The following SUCLG2 variants were observed in gnomAD, a reference collection of about 807,000 sequenced individuals.
SUCLG2 encodes the protein succinate-CoA ligase GDP-forming subunit beta, also known as succinate--CoA ligase [GDP-forming] subunit beta, mitochondrial.
In SUCLG2, 42 loss-of-function variants were observed where a neutral mutation model predicts 47.9. That is an observed-to-expected ratio of 0.88 (90% CI 0.69 to 1.14). The LOEUF is 1.14. Among genes scored for constraint, SUCLG2 ranks in the 50% most tolerant of loss-of-function variants. The pLI is 0.00. For synonymous variants in SUCLG2, 195 were observed against 197.3 expected (o/e 0.99, Z 0.10); for missense variants, 571 against 525.9 (o/e 1.09, Z -0.84).
intron 1 of SUCLG2, among the ~76,000 whole-genome samples, chr3:67,624,284 C>T (rs902349419): frequency 3.3e-5 from 5 of 152,180 alleles, no homozygotes; most frequent in African/African-American, 9.7e-5. Context: ...GAGCGACCTT[C>T]GCTGGGGAAA....
chr3:67,602,899 T>C (rs1575809389), intron 2 of SUCLG2, among the ~76,000 whole-genome samples: 1 of 151,912 alleles, frequency 6.6e-6, no homozygotes, highest in Admixed American at 6.6e-5. Flanking sequence ...AAAAAGAAAT[T>C]GGGAGGCTCA....
At chr3:67,508,184 G>A (rs1705689856) in intron 7 of SUCLG2, among the ~76,000 whole-genome samples, 1 of 152,108 alleles carries the variant, frequency 6.6e-6, no homozygotes, top group Non-Finnish European at 1.5e-5. Context: ...TCAACTGGGG[G>A]GGACTTGGGG....
Position 67,654,560 on chromosome 3 carries a change from G to A in SUCLG2, c.27C>T (p.Ala9=), listed in dbSNP as rs770165103. 1.0e-5 allele frequency: 13 copies of A among 1,272,862 alleles called. No homozygotes were observed. The highest frequency in any genetic ancestry group is 2.7e-4 in the Middle Eastern group (1 of 3,700). 78.8% of individuals were successfully genotyped at this position (1,272,862 alleles called of 1,614,324 possible). A position where few individuals can be genotyped will look rare whatever the true frequency, so the allele number is the denominator to read the frequency against. The change falls in exon 1 of 11, where the codon GCC becomes GCT. Residue 9 remains alanine (A), a synonymous_variant. Transcript: ENST00000307227. The part of the protein sequence containing the change: MASPVAAQ[A]GKLLRALALR... ...GCGCTAGGGCTCGCAGAAGCTTCCCGGCCTGCGCTGCTACGGGGGACGCCA... is the reference window on the plus strand; with the variant it reads ...GCGCTAGGGCTCGCAGAAGCTTCCCAGCCTGCGCTGCTACGGGGGACGCCA...
At chr3:67,548,446 G>A (rs891222558) in intron 2 of SUCLG2, among the ~76,000 whole-genome samples, 9 of 152,214 alleles carry the variant, frequency 5.9e-5, no homozygotes, top group African/African-American at 9.6e-5. Context: ...AGTAAGTTCC[G>A]TGCATCAGTA....
intron 9 of SUCLG2, among the ~76,000 whole-genome samples, chr3:67,457,684 C>CTTT (rs71109889): frequency 0.02 from 1,287 of 65,302 alleles, 135 homozygotes; most frequent in East Asian, 0.098. Flanking sequence ...ACAAAAGCAG[C>CTTT]TTTTTTTTTT....
chr3:67,514,259 G>T (rs764624508), intron 6 of SUCLG2: 1 of 420,304 alleles, frequency 2.4e-6, no homozygotes, highest in Non-Finnish European at 4.8e-6. Context: ...AAAACTGACA[G>T]GAATAGGAAA....
intron 4 of SUCLG2, 41 bp from the exon 5 acceptor site, chr3:67,520,675 G>A: frequency 6.4e-7 from 1 of 1,570,704 alleles, no homozygotes; most frequent in African/African-American, 1.4e-5. Flanking sequence ...TCAGCATTAA[G>A]CTGATTTCTA....
chr3:67,459,756 T>C (rs1314176291), intron 9 of SUCLG2, among the ~76,000 whole-genome samples: 3 of 152,158 alleles, frequency 2.0e-5, no homozygotes, highest in East Asian at 1.9e-4. Context: ...GGAACACTGG[T>C]GGTAGATAGG....
intron 9 of SUCLG2, among the ~76,000 whole-genome samples, chr3:67,410,172 C>CT: frequency 6.6e-6 from 1 of 152,176 alleles, no homozygotes. Context: ...GGTTAGGTGG[C>CT]ACAGAGATCT....
chr3:67,552,062 T>C (rs1252085223), intron 2 of SUCLG2, among the ~76,000 whole-genome samples: 1 of 149,820 alleles, frequency 6.7e-6, no homozygotes, highest in African/African-American at 2.5e-5. Flanking sequence ...CGCCACCCAG[T>C]ATCAAATATG....
rs535104891 is a variant in SUCLG2, at chr3:67,471,160, T to C, written c.1062+24638A>G. Among the ~76,000 whole-genome samples the C allele has an allele frequency of 2.0e-5, 3 of 152,296 alleles. No individual in the cohort carries two copies. The South Asian group carries it at 6.2e-4, about 32-fold the overall frequency. ...AGATAAGAAAGAGTTATTGGAGAAA[T>C]GATTATTTAAATCACATTACTGGTG... On this transcript the variant is annotated intron_variant, in intron 9 of 10. Transcript: ENST00000307227.
intron 3 of SUCLG2, 76 bp downstream of exon 3, chr3:67,529,011 T>A: frequency 2.3e-6 from 3 of 1,294,546 alleles, no homozygotes; most frequent in Non-Finnish European, 3.3e-6. Flanking sequence ...CCAACCTCAG[T>A]GTGCCTTTCA....
At chr3:67,622,314 G>A (rs1700749364) in intron 1 of SUCLG2, among the ~76,000 whole-genome samples, 1 of 152,112 alleles carries the variant, frequency 6.6e-6, no homozygotes, top group Non-Finnish European at 1.5e-5. Flanking sequence ...AATAATAATA[G>A]TAAACAATCT....
chr3:67,635,351 G>A (rs1188799917), intron 1 of SUCLG2, among the ~76,000 whole-genome samples: 1 of 152,166 alleles, frequency 6.6e-6, no homozygotes, highest in Non-Finnish European at 1.5e-5. Context: ...ATATGAAACT[G>A]AGACAGGCAA....
In SUCLG2 at chr3:67,379,016, A is replaced by G. The variant is rs940861120; in HGVS notation, c.1184-3157T>C. Among the ~76,000 whole-genome samples, 10 of 152,206 alleles carry G rather than the reference A, an allele frequency of 6.6e-5. 1 individual carries two copies. The highest frequency in any genetic ancestry group is 2.6e-4 in the Admixed American group (4 of 15,308). Reference sequence around the variant, plus strand: ...GGCTGGAGTGCAGTGGCGTGATCTCAGCTCACTGCAACCTTCACCTCCCTG... The same window carrying G: ...GGCTGGAGTGCAGTGGCGTGATCTCGGCTCACTGCAACCTTCACCTCCCTG... On this transcript the variant is annotated intron_variant, in intron 10 of 10. Transcript: ENST00000307227.
chr3:67,374,691 T>G (rs889041672), downstream of SUCLG2: 5 of 836,154 alleles, frequency 6.0e-6, no homozygotes, highest in African/African-American at 9.2e-5. Flanking sequence ...GGAATAAAAT[T>G]GAGTAAAATG....
chr3:67,418,459 T>C (rs1161130933), intron 9 of SUCLG2, among the ~76,000 whole-genome samples: 1 of 152,194 alleles, frequency 6.6e-6, no homozygotes, highest in African/African-American at 2.4e-5. Context: ...AACACAGGTT[T>C]ATCTAATGAC....
chr3:67,603,146 T>C (rs1226213603), intron 2 of SUCLG2, among the ~76,000 whole-genome samples: 1 of 152,208 alleles, frequency 6.6e-6, no homozygotes, highest in Non-Finnish European at 1.5e-5. Flanking sequence ...GCAGCTGATA[T>C]GTTGGTAAAA....
intron 10 of SUCLG2, among the ~76,000 whole-genome samples, chr3:67,387,474 T>C (rs1230423168): frequency 6.6e-6 from 1 of 152,214 alleles, no homozygotes; most frequent in Non-Finnish European, 1.5e-5. Context: ...GATTGACCCA[T>C]TCTTTCTGGG....
Sources: gnomAD v4.1 joint callset for allele counts (sites outside exome capture counted in the v4.1 genomes callset) on GRCh38, gnomAD v4.1.1 for gene constraint, MANE v1.5 for transcripts, NCBI Gene and HGNC (gene_info 2026-07-23, HGNC 2026-07-21) for gene names.